Variants in PPP1R13B observed in about 807,000 individuals in gnomAD.
The protein encoded by PPP1R13B is apoptosis-stimulating of p53 protein 1.
PPP1R13B carries 44 observed loss-of-function variants against 119.8 expected under a neutral mutation model. That is an observed-to-expected ratio of 0.37 (90% CI 0.29 to 0.47). PPP1R13B has a LOEUF of 0.47. Among genes scored for constraint, PPP1R13B ranks in the 20% least tolerant of loss-of-function variants. The pLI is 0.99. For synonymous variants in PPP1R13B, 542 were observed against 561.5 expected (o/e 0.97, Z 0.49); for missense variants, 1,227 against 1,413.5 (o/e 0.87, Z 2.12).
At chr14:103,770,980 C>T (rs1287817813) in intron 4 of PPP1R13B, among the ~76,000 whole-genome samples, 1 of 152,176 alleles carries the variant, frequency 6.6e-6, no homozygotes, top group Non-Finnish European at 1.5e-5. Context: ...AAGCTCATTC[C>T]ATTGTGGAGA....
intron 4 of PPP1R13B, among the ~76,000 whole-genome samples, chr14:103,761,274 TAAAAAAAAAAAAA>T (rs59281762): frequency 5.3e-4 from 55 of 104,752 alleles, no homozygotes; most frequent in Middle Eastern, 0.013. Context: ...ACCCTATATT[TAAAAAAAAAAAAA>T]AAAAAAAAAA....
At chr14:103,777,852 T>C (rs533779211) in intron 4 of PPP1R13B, among the ~76,000 whole-genome samples, 44 of 148,902 alleles carry the variant, frequency 3.0e-4, no homozygotes, top group Non-Finnish European at 5.6e-4. Flanking sequence ...TGAAGTGCAG[T>C]GGTATAATCA....
intron 4 of PPP1R13B, among the ~76,000 whole-genome samples, chr14:103,770,108 G>T (rs1242244108): frequency 6.6e-6 from 1 of 150,864 alleles, no homozygotes. Flanking sequence ...GTCCAGACTG[G>T]TCTCAAACTC....
At chr14:103,794,257 T>C (rs760204752) in intron 2 of PPP1R13B, among the ~76,000 whole-genome samples, 8 of 152,138 alleles carry the variant, frequency 5.3e-5, no homozygotes, top group Non-Finnish European at 1.0e-4. Context: ...ATAATTACTA[T>C]TGAAGGATTC....
At position 103,734,723 on chromosome 14, in the gene PPP1R13B, G is replaced by A. The variant is rs531934566; in HGVS notation, c.*431C>T. On this transcript the variant is annotated 3_prime_UTR_variant, in exon 17 of 17. Coordinates refer to ENST00000202556, the MANE Select transcript of PPP1R13B (RefSeq NM_015316.3). ...GAAGTGTGAGAAAGGATGAGTGTCC[G>A]ATTCGGTGACGGGGGGCAGGGCGGT... 3.6e-4 allele frequency: 166 copies of A among 459,524 alleles called. No individual in the cohort carries two copies. The highest frequency in any genetic ancestry group is 1.3e-3 in the Middle Eastern group (4 of 3,084). 28.5% of individuals were successfully genotyped at this position (459,524 alleles called of 1,614,324 possible). A position where few individuals can be genotyped will look rare whatever the true frequency, so the allele number is the denominator to read the frequency against.
At chr14:103,761,977 G>T (rs11625521) in intron 4 of PPP1R13B, among the ~76,000 whole-genome samples, 14,030 of 152,244 alleles carry the variant, frequency 0.092, 777 homozygotes, top group African/African-American at 0.16. Context: ...CATATGCCAA[G>T]TGCCTCAGAG....
Position 103,749,837 on chromosome 14 carries a change from C to T in PPP1R13B, c.926G>A (p.Arg309Gln), listed in dbSNP as rs1348745922. 5.0e-6 allele frequency: 8 copies of T among 1,613,910 alleles called. No homozygotes were observed. The highest frequency in any genetic ancestry group is 1.7e-5 in the Admixed American group (1 of 59,988). The change falls in exon 8 of 17, where the codon CGA (arginine) becomes CAA (glutamine). Residue 309 changes from arginine to glutamine, a missense_variant. Arg to Gln is a conservative substitution (Grantham distance 43). Transcript: ENST00000202556. ...RNMEVAMMDK[R>Q]ISELRERLYG... ...GAGACGTTCACGCAGTTCACTGATT[C>T]GCTTGTCCATCATGGCCACCTCCAT...
chr14:103,823,919 A>C (rs1222048405), intron 1 of PPP1R13B, among the ~76,000 whole-genome samples: 1 of 151,932 alleles, frequency 6.6e-6, no homozygotes, highest in African/African-American at 2.4e-5. Flanking sequence ...ATATCCTTTC[A>C]AACCCTTTCT....
At chr14:103,845,186 G>C (rs2086999923) in intron 1 of PPP1R13B, among the ~76,000 whole-genome samples, 1 of 151,918 alleles carries the variant, frequency 6.6e-6, no homozygotes, top group Non-Finnish European at 1.5e-5. Flanking sequence ...TCATCATCAT[G>C]ATGAATACCA....
chr14:103,753,994 G>A, intron 6 of PPP1R13B, 76 bp downstream of exon 6: 2 of 1,499,798 alleles, frequency 1.3e-6, no homozygotes. Flanking sequence ...TGACTGAATT[G>A]TCAGGCAGTT....
At chr14:103,832,293 C>T (rs1234133954) in intron 1 of PPP1R13B, among the ~76,000 whole-genome samples, 1 of 152,132 alleles carries the variant, frequency 6.6e-6, no homozygotes, top group Non-Finnish European at 1.5e-5. Context: ...TGACTAAGGT[C>T]AGGCTGCCCA....
intron 9 of PPP1R13B, chr14:103,744,025 G>A (rs933269456): frequency 6.6e-6 from 1 of 152,206 alleles, no homozygotes; most frequent in African/African-American, 2.4e-5. Context: ...CAAGGCCCCT[G>A]GACCAACTGC....
At chr14:103,813,314 A>G (rs988995962) in intron 1 of PPP1R13B, among the ~76,000 whole-genome samples, 2 of 152,136 alleles carry the variant, frequency 1.3e-5, no homozygotes, top group East Asian at 1.9e-4. Flanking sequence ...ATCTTTCTGT[A>G]TATCTAAAAC....
Position 103,740,530 on chromosome 14 carries a change from C to T in PPP1R13B, c.1886G>A (p.Gly629Glu), listed in dbSNP as rs2084230911. 8 of 1,579,912 alleles carry T rather than the reference C, an allele frequency of 5.1e-6. No individual in the cohort carries two copies. Among genetic ancestry groups the T allele is most frequent in the Non-Finnish European group, 6.9e-6 (8 of 1,159,204 alleles). Residue 629 changes from glycine to glutamate, a missense_variant, in exon 12 of 17, where the codon GGG (glycine) becomes GAG (glutamate). Transcript: ENST00000202556. The surrounding 1 kb of genome is among the most constrained non-coding windows in gnomAD (Gnocchi z 4.6). Reference sequence around the variant, plus strand: ...CTGTGGTGTGCCCGTGGACAGTGACCCGTGAAGAAACGGCAGCGGCGATGG... The same window carrying T: ...CTGTGGTGTGCCCGTGGACAGTGACTCGTGAAGAAACGGCAGCGGCGATGG... The part of the protein sequence containing the change: ...TSPSPLPFLH[G>E]SLSTGTPQPQ...
intron 5 of PPP1R13B, 145 bp from the exon 6 acceptor site, chr14:103,754,389 A>C (rs2084625168): frequency 1.5e-6 from 1 of 668,316 alleles, no homozygotes; most frequent in African/African-American, 1.8e-5. Flanking sequence ...ACATGGTGAA[A>C]CCCTGTCTCT....
chr14:103,792,168 T>TTGTG (rs1197556180), intron 2 of PPP1R13B, among the ~76,000 whole-genome samples: 1 of 62,406 alleles, frequency 1.6e-5, no homozygotes, highest in Non-Finnish European at 3.0e-5. Context: ...CCTCTATTCA[T>TTGTG]CGTGTGTGTG....
At chr14:103,785,469 T>C (rs1189821706) in intron 2 of PPP1R13B, among the ~76,000 whole-genome samples, 2 of 151,882 alleles carry the variant, frequency 1.3e-5, no homozygotes, top group African/African-American at 2.4e-5. Flanking sequence ...CCACCCGCCT[T>C]GGCCTCCTAA....
Position 103,833,849 on chromosome 14 carries a change from A to G in PPP1R13B, c.9+13450T>C. On this transcript the variant is annotated intron_variant, in intron 1 of 16. Coordinates refer to ENST00000202556, the MANE Select transcript of PPP1R13B (RefSeq NM_015316.3). ...TTTATCTTTTGGAATGGCATGTTTT[A>G]GTTACATGATTGTTCTCGACAATGT... Among the ~76,000 whole-genome samples the G allele has an allele frequency of 1.3e-5, 2 of 152,120 alleles. 1 individual carries two copies. Among genetic ancestry groups the G allele is most frequent in the Non-Finnish European group, 2.9e-5 (2 of 68,022 alleles).
intron 2 of PPP1R13B, among the ~76,000 whole-genome samples, chr14:103,793,697 T>TA (rs1223660505): frequency 4.6e-5 from 7 of 152,180 alleles, no homozygotes; most frequent in Non-Finnish European, 1.0e-4. Flanking sequence ...TAAATAAGGT[T>TA]AAAAAACCTC....
Sources: gnomAD v4.1 joint callset for allele counts (sites outside exome capture counted in the v4.1 genomes callset) on GRCh38, gnomAD v4.1.1 for gene constraint, Gnocchi (gnomAD v3.1) non-coding constraint, MANE v1.5 for transcripts, NCBI Gene and HGNC (gene_info 2026-07-23, HGNC 2026-07-21) for gene names.